SYNRG: variants seen among roughly 807,000 people sequenced by gnomAD.
The protein encoded by SYNRG is synergin gamma.
SYNRG carries 37 observed loss-of-function variants against 130.9 expected under a neutral mutation model. That is an observed-to-expected ratio of 0.28 (90% CI 0.22 to 0.37). The LOEUF (loss-of-function observed/expected upper bound fraction) is 0.37. Ranked by LOEUF, SYNRG falls within the 10% of genes least tolerant of loss-of-function variation. The probability of loss-of-function intolerance (pLI) is 1.00; values close to 1 mark genes in which losing one functional copy is unlikely to be tolerated. For missense variants in SYNRG, 1,338 were observed against 1,588.9 expected (o/e 0.84, Z 2.68); for synonymous variants, 539 against 568.1 (o/e 0.95, Z 0.73).
intron 1 of SYNRG, 131 bp downstream of exon 1, chr17:37,609,148 G>A: frequency 9.2e-7 from 1 of 1,092,560 alleles, no homozygotes; most frequent in African/African-American, 1.6e-5. Context: ...GGGTCCCTGG[G>A]GGATGACCCT....
chr17:37,526,018 A>G (rs2055866063), intron 19 of SYNRG, among the ~76,000 whole-genome samples: 1 of 152,170 alleles, frequency 6.6e-6, no homozygotes, highest in African/African-American at 2.4e-5. Context: ...CTGTAATCCC[A>G]GCTATTTGGG....
intron 13 of SYNRG, among the ~76,000 whole-genome samples, chr17:37,560,052 C>T (rs547025403): frequency 1.3e-5 from 2 of 152,162 alleles, no homozygotes; most frequent in East Asian, 3.9e-4. Flanking sequence ...TGTGCACCAC[C>T]ATATCTGGCT....
chr17:37,536,849 T>C (rs1281127439), intron 18 of SYNRG: 1 of 152,248 alleles, frequency 6.6e-6, no homozygotes, highest in Non-Finnish European at 1.5e-5. Flanking sequence ...GACACATCCC[T>C]AACCCCTGCA....
rs993952631 is a variant in SYNRG at position 37,538,489 on chromosome 17, T to G, written c.3421-69A>C. 10 of 1,159,948 alleles carry G rather than the reference T, an allele frequency of 8.6e-6. No homozygotes were observed. In the African/African-American group the frequency reaches 1.6e-4, roughly 18 times the overall value. The allele number at this position is 1,159,948 out of a possible 1,614,324, so 71.9% of individuals were successfully genotyped here. On this transcript the variant is annotated intron_variant, in intron 17 of 21. Transcript: ENST00000612223. ...TCATTGCAAATCAATTTACTATTAG[T>G]AGAAAACCCAACCGAAAAGCCAGGA...
At chr17:37,538,283 A>C in intron 18 of SYNRG, 41 bp downstream of exon 18, 1 of 1,397,044 alleles carries the variant, frequency 7.2e-7, no homozygotes, top group Non-Finnish European at 9.9e-7. Flanking sequence ...AAATAATGCA[A>C]AGGGCCATCA....
At chr17:37,578,001 A>G (rs1482036335) in intron 6 of SYNRG, among the ~76,000 whole-genome samples, 1 of 151,018 alleles carries the variant, frequency 6.6e-6, no homozygotes, top group Non-Finnish European at 1.5e-5. Flanking sequence ...TGCCCAGCTC[A>G]CCCCCATATT....
chr17:37,587,049 T>C lies in SYNRG; in HGVS notation c.241-500A>G, dbSNP rs56157300. ...CAAAGGCCTAATAGTCAAACTTTTA[T>C]AGAAAATGACACATATTCAATAAAA... On this transcript the variant is annotated intron_variant, in intron 3 of 21. Coordinates refer to ENST00000612223, the MANE Select transcript of SYNRG (RefSeq NM_007247.6). Among the ~76,000 whole-genome samples the C allele has an allele frequency of 5.0e-3, 764 of 152,344 alleles. 11 individuals carry two copies. Among genetic ancestry groups the C allele is most frequent in the African/African-American group, 0.018 (741 of 41,582 alleles).
intron 19 of SYNRG, among the ~76,000 whole-genome samples, chr17:37,534,174 C>T (rs904630190): frequency 8.0e-5 from 12 of 150,804 alleles, no homozygotes; most frequent in African/African-American, 2.9e-4. Flanking sequence ...GAACTCCTGG[C>T]CTCAATTGTT....
chr17:37,607,132 CTTCT>C (rs1489112315), intron 1 of SYNRG, among the ~76,000 whole-genome samples: 1 of 152,126 alleles, frequency 6.6e-6, no homozygotes, highest in Non-Finnish European at 1.5e-5. Flanking sequence ...ATTTTAACCA[CTTCT>C]TTCTCTCCTG....
In SYNRG at chr17:37,516,303, AC is replaced by A. The variant is rs1297972865; in HGVS notation, c.*2636del. On this transcript the variant is annotated 3_prime_UTR_variant, in exon 22 of 22. Coordinates refer to ENST00000612223, the MANE Select transcript of SYNRG (RefSeq NM_007247.6). ...AACGTTTATAAAGAAAAGCAGCGCA[AC>A]CGTGTCCCACACTCCTTGGATCCCT... 2 of 152,238 alleles carry A rather than the reference AC, an allele frequency of 1.3e-5. No homozygotes were observed. The highest frequency in any genetic ancestry group is 4.8e-5 in the African/African-American group (2 of 41,458). The allele number at this position is 152,238 out of a possible 1,614,324, so 9.4% of individuals were successfully genotyped here.
chr17:37,570,511 G>T, intron 10 of SYNRG, 126 bp downstream of exon 10: 1 of 1,291,656 alleles, frequency 7.7e-7, no homozygotes, highest in South Asian at 1.7e-5. Context: ...TTTTCTGAAA[G>T]ATACAACCTA....
intron 8 of SYNRG, 74 bp from the exon 9 acceptor site, chr17:37,572,061 T>C: frequency 7.8e-7 from 1 of 1,278,250 alleles, no homozygotes; most frequent in Non-Finnish European, 1.1e-6. Flanking sequence ...CCATTGTTGG[T>C]ATACAAGAAT....
chr17:37,520,029 A>G, intron 21 of SYNRG, 150 bp downstream of exon 21: 1 of 795,224 alleles, frequency 1.3e-6, no homozygotes, highest in South Asian at 1.6e-5. Flanking sequence ...ACATTAGGAG[A>G]CTCCATCAAA....
intron 13 of SYNRG, among the ~76,000 whole-genome samples, chr17:37,560,156 C>A (rs2059418757): frequency 6.6e-6 from 1 of 151,960 alleles, no homozygotes; most frequent in African/African-American, 2.4e-5. Flanking sequence ...AGCCATCCTC[C>A]CACTCTGGCC....
rs189173596 is a variant in SYNRG, at chr17:37,604,892, T to C, written c.77+4387A>G. Among the ~76,000 whole-genome samples the C allele has an allele frequency of 4.5e-4, 68 of 152,302 alleles. 1 individual carries two copies. Among genetic ancestry groups the C allele is most frequent in the African/African-American group, 1.4e-3 (58 of 41,562 alleles). ...GGAAGACCGGGGAACAGCTGGTAGG[T>C]AGAGCAGTCAGACTGCACAAAACAT... On this transcript the variant is annotated intron_variant, in intron 1 of 21. Transcript: ENST00000612223.
In SYNRG at chr17:37,540,361, T is replaced by C. The variant is rs1383339442; in HGVS notation, c.3366+19A>G. On this transcript the variant is annotated intron_variant, in intron 16 of 21. Transcript: ENST00000612223. Reference sequence around the variant, plus strand: ...TTGCTGGTCTGTTACCCACCCCTTGTAGAAAGCTCTCCTCTCACCTCCACC... The same window carrying C: ...TTGCTGGTCTGTTACCCACCCCTTGCAGAAAGCTCTCCTCTCACCTCCACC... 1 of 1,612,288 alleles carries C rather than the reference T, an allele frequency of 6.2e-7. No individual in the cohort carries two copies. Among genetic ancestry groups the C allele is most frequent in the East Asian group, 2.2e-5 (1 of 44,870 alleles).
intron 13 of SYNRG, among the ~76,000 whole-genome samples, chr17:37,555,640 C>T (rs753717830): frequency 3.9e-5 from 6 of 152,170 alleles, no homozygotes; most frequent in Non-Finnish European, 8.8e-5. Flanking sequence ...GTGGCTCACA[C>T]CTGTAATCCC....
At position 37,515,822 on chromosome 17, in the gene SYNRG, G is replaced by A. The variant is rs576574091; in HGVS notation, c.*3118C>T. ...GCATTTCCTATTTCTGTAACATACA[G>A]CCCTATAATCTTTGCAAAGCTGAAG... On this transcript the variant is annotated 3_prime_UTR_variant, in exon 22 of 22. Coordinates refer to ENST00000612223, the MANE Select transcript of SYNRG (RefSeq NM_007247.6). 1 of 152,274 alleles carries A rather than the reference G, an allele frequency of 6.6e-6. No homozygotes were observed. Among genetic ancestry groups the A allele is most frequent in the South Asian group, 2.1e-4 (1 of 4,824 alleles). The allele number at this position is 152,274 out of a possible 1,614,324, so 9.4% of individuals were successfully genotyped here.
At chr17:37,531,182 G>A (rs936410139) in intron 19 of SYNRG, among the ~76,000 whole-genome samples, 15 of 152,204 alleles carry the variant, frequency 9.9e-5, no homozygotes, top group Admixed American at 5.9e-4. Context: ...GTAGTGAGCC[G>A]TGATTGTGCC....
Sources: gnomAD v4.1 joint callset for allele counts (sites outside exome capture counted in the v4.1 genomes callset) on GRCh38, gnomAD v4.1.1 for gene constraint, MANE v1.5 for transcripts, NCBI Gene and HGNC (gene_info 2026-07-23, HGNC 2026-07-21) for gene names.